Variants in ENOX1 observed in about 807,000 individuals in gnomAD.
The protein encoded by ENOX1 is ecto-NOX disulfide-thiol exchanger 1.
A neutral mutation model predicts 82.5 loss-of-function variants in ENOX1; 42 were observed. The observed-to-expected ratio is 0.51, with a 90% CI of 0.40 to 0.66. The LOEUF (loss-of-function observed/expected upper bound fraction) is 0.66. Among genes scored for constraint, ENOX1 ranks in the 30% least tolerant of loss-of-function variants. The probability of loss-of-function intolerance (pLI) is 0.00; values close to 1 mark genes in which losing one functional copy is unlikely to be tolerated. For synonymous variants in ENOX1, 271 were observed against 282.2 expected (o/e 0.96, Z 0.40); for missense variants, 608 against 811.6 (o/e 0.75, Z 3.05).
In ENOX1 at chr13:43,382,137, T is replaced by C. The variant is rs140487608; in HGVS notation, c.209-20685A>G. Among the ~76,000 whole-genome samples the C allele has an allele frequency of 1.4e-4, 22 of 152,230 alleles. No individual in the cohort carries two copies. In the East Asian group the frequency reaches 4.0e-3, roughly 28 times the overall value. On this transcript the variant is annotated intron_variant, in intron 5 of 16. Coordinates refer to ENST00000690772, the MANE Select transcript of ENOX1 (RefSeq NM_001347969.2). The stretch of plus-strand genomic sequence containing the variant: ...AAACAAAATTTTAGCAAATTGAATA[T>C]AGTATAATGAATAATACATCATGAC...
intron 11 of ENOX1, among the ~76,000 whole-genome samples, chr13:43,311,364 T>G (rs1336117300): frequency 7.5e-4 from 1 of 1,330 alleles, no homozygotes; most frequent in African/African-American, 9.2e-4. Flanking sequence ...GGTAATAGGG[T>G]TTTTTTTTTT....
intron 5 of ENOX1, chr13:43,394,442 T>C (rs2053005324): frequency 6.6e-6 from 1 of 152,174 alleles, no homozygotes; most frequent in African/African-American, 2.4e-5. Context: ...CACTGTTCTG[T>C]AGAACTAAAC....
In ENOX1 at chr13:43,277,968, C is replaced by T. The variant is rs1219451855; in HGVS notation, c.1447-8391G>A. Among the ~76,000 whole-genome samples the T allele has an allele frequency of 5.9e-5, 9 of 152,108 alleles. No homozygotes were observed. The South Asian group carries it at 6.2e-4, about 11-fold the overall frequency. On this transcript the variant is annotated intron_variant, in intron 12 of 16. Coordinates refer to ENST00000690772, the MANE Select transcript of ENOX1 (RefSeq NM_001347969.2). ...GCAGCAAGTGGCGGGGCACCAAGGA[C>T]GGGGCCTGGGCTACCTGCCTTGGTG...
chr13:43,476,440 T>C (rs978232110), intron 3 of ENOX1, among the ~76,000 whole-genome samples: 36 of 152,240 alleles, frequency 2.4e-4, no homozygotes, highest in African/African-American at 8.2e-4. Context: ...AATTTTTTAT[T>C]TGTCTAATGG....
intron 1 of ENOX1, among the ~76,000 whole-genome samples, chr13:43,708,874 CAT>C (rs1156448954): frequency 6.6e-6 from 1 of 151,948 alleles, no homozygotes; most frequent in Non-Finnish European, 1.5e-5. Context: ...CAAAACAAAA[CAT>C]AAAAAAATTC....
chr13:43,745,636 T>C (rs1262417267), intron 1 of ENOX1, among the ~76,000 whole-genome samples: 1 of 152,190 alleles, frequency 6.6e-6, no homozygotes, highest in Non-Finnish European at 1.5e-5. Flanking sequence ...AATTCTGGCA[T>C]ATACATAAAA....
At chr13:43,332,801 T>G (rs914293235) in intron 9 of ENOX1, among the ~76,000 whole-genome samples, 1 of 151,984 alleles carries the variant, frequency 6.6e-6, no homozygotes, top group Non-Finnish European at 1.5e-5. Context: ...CCAATAAATC[T>G]CCTGCCTAGA....
At position 43,747,528 on chromosome 13, in the gene ENOX1, G is replaced by A. The variant is rs528743581; in HGVS notation, c.-285+39124C>T. Among the ~76,000 whole-genome samples the A allele has an allele frequency of 9.2e-5, 14 of 152,288 alleles. No homozygotes were observed. The South Asian group carries it at 1.5e-3, about 16-fold the overall frequency. ...CTCTCTTTAGAACTATACATTCTGCGATGGTGAGGGTTGTGTCTTCACACT... is the reference window on the plus strand; with the variant it reads ...CTCTCTTTAGAACTATACATTCTGCAATGGTGAGGGTTGTGTCTTCACACT... On this transcript the variant is annotated intron_variant, in intron 1 of 16. Transcript: ENST00000690772.
At chr13:43,771,802 T>C (rs1951624454) in intron 1 of ENOX1, among the ~76,000 whole-genome samples, 2 of 151,964 alleles carry the variant, frequency 1.3e-5, no homozygotes, top group Non-Finnish European at 2.9e-5. Flanking sequence ...TCTCGCTCTG[T>C]CGCCCAGGTT....
intron 14 of ENOX1, among the ~76,000 whole-genome samples, chr13:43,265,144 TCAAA>T (rs1459077741): frequency 6.6e-6 from 1 of 152,220 alleles, no homozygotes; most frequent in Non-Finnish European, 1.5e-5. Context: ...TACAAAGAGC[TCAAA>T]CAGACTCACT....
At chr13:43,479,941 T>TTA (rs201968260) in intron 3 of ENOX1, among the ~76,000 whole-genome samples, 37,944 of 124,962 alleles carry the variant, frequency 0.3, 6,360 homozygotes, top group East Asian at 0.7. Context: ...TTATTTTTAT[T>TTA]TTTTTTTTTT....
At chr13:43,757,316 T>G (rs1950709638) in intron 1 of ENOX1, among the ~76,000 whole-genome samples, 1 of 152,198 alleles carries the variant, frequency 6.6e-6, no homozygotes, top group Non-Finnish European at 1.5e-5. Flanking sequence ...TGACTTGCTT[T>G]GAAAACAGGA....
At chr13:43,664,660 T>C (rs981078977) in intron 2 of ENOX1, among the ~76,000 whole-genome samples, 2 of 152,160 alleles carry the variant, frequency 1.3e-5, no homozygotes, top group Non-Finnish European at 2.9e-5. Context: ...GGAGAGTTCA[T>C]GTGAAAAGTT....
intron 11 of ENOX1, among the ~76,000 whole-genome samples, chr13:43,310,378 C>CAG (rs2047133181): frequency 6.6e-6 from 1 of 151,996 alleles, no homozygotes; most frequent in Admixed American, 6.6e-5. Flanking sequence ...AGCGATGGAA[C>CAG]AGACTTCAAA....
chr13:43,648,620 T>G (rs1320248746), intron 2 of ENOX1, among the ~76,000 whole-genome samples: 1 of 152,176 alleles, frequency 6.6e-6, no homozygotes, highest in Non-Finnish European at 1.5e-5. Flanking sequence ...TTCTTATGGA[T>G]GCTGTAAGAG....
At chr13:43,378,648 A>C (rs1291813847) in intron 5 of ENOX1, among the ~76,000 whole-genome samples, 1 of 152,184 alleles carries the variant, frequency 6.6e-6, no homozygotes, top group Non-Finnish European at 1.5e-5. Context: ...CTCTCATAAC[A>C]AAACTTAAAA....
chr13:43,754,035 T>A (rs9567259), intron 1 of ENOX1, among the ~76,000 whole-genome samples: 2 of 126,078 alleles, frequency 1.6e-5, no homozygotes, highest in Non-Finnish European at 3.3e-5. Context: ...TACATATATA[T>A]GTATATAAAT....
intron 2 of ENOX1, among the ~76,000 whole-genome samples, chr13:43,503,507 A>G (rs961428407): frequency 1.3e-5 from 2 of 151,736 alleles, no homozygotes; most frequent in Admixed American, 6.6e-5. Context: ...TAGTAATCAA[A>G]AGAGGATAAC....
intron 2 of ENOX1, among the ~76,000 whole-genome samples, chr13:43,521,231 T>C (rs1404156764): frequency 6.6e-6 from 1 of 152,142 alleles, no homozygotes; most frequent in East Asian, 1.9e-4. Flanking sequence ...TTATATTTTA[T>C]GAATATATTA....
Sources: allele counts gnomAD v4.1 joint callset (sites outside exome capture counted in the v4.1 genomes callset), GRCh38; gene constraint gnomAD v4.1.1; transcripts MANE v1.5; gene names NCBI Gene and HGNC (gene_info 2026-07-23, HGNC 2026-07-21).